ERVK3-1: variants seen among roughly 807,000 people sequenced by gnomAD.
ERVK3-1 encodes the protein endogenous retrovirus group K3 member 1.
chr19:58,306,949 C>T lies in ERVK3-1; in HGVS notation c.-4+733C>T, dbSNP rs572146517. On this transcript the variant is annotated intron_variant, in intron 2 of 3. Coordinates refer to ENST00000413518, the Ensembl canonical transcript of ERVK3-1. ...GCGCCTCCCACCCTTGGATATAAAG[C>T]ATTTAGCTTGCACTTGTTTCTCTGC... is the stretch of plus-strand genomic sequence containing the variant. Among the ~76,000 whole-genome samples the T allele has an allele frequency of 2.2e-4, 34 of 152,348 alleles. No individual in the cohort carries two copies. The South Asian group carries it at 6.4e-3, about 29-fold the overall frequency.
At chr19:58,308,389 G>C (rs2147968976) in intron 2 of ERVK3-1, among the ~76,000 whole-genome samples, 1 of 152,362 alleles carries the variant, frequency 6.6e-6, no homozygotes, top group African/African-American at 2.4e-5. Context: ...ACAGCTCAAA[G>C]TGTTTAACAG....
exon 4 of ERVK3-1, chr19:58,314,892 G>A (rs962161895): frequency 3.0e-5 from 12 of 396,972 alleles, no homozygotes; most frequent in African/African-American, 2.5e-4. Flanking sequence ...ACCACTGGAG[G>A]CTCTGTGAGC....
chr19:58,309,220 C>T (rs1461859806), intron 2 of ERVK3-1: 1 of 152,200 alleles, frequency 6.6e-6, no homozygotes, highest in African/African-American at 2.4e-5. Context: ...CCACCACCTA[C>T]ATCATTCATT....
At chr19:58,305,616 T>TGTGTTGGAG in intron 1 of ERVK3-1, among the ~76,000 whole-genome samples, 171 bp downstream of exon 1, 2 of 151,968 alleles carry the variant, frequency 1.3e-5, no homozygotes, top group Admixed American at 6.5e-5. Flanking sequence ...GGGCGCGACC[T>TGTGTTGGAG]GCCATGTCCT....
chr19:58,312,034 G>A lies in ERVK3-1; in HGVS notation c.-3-132G>A, dbSNP rs572242937. On this transcript the variant is annotated intron_variant, in intron 2 of 3. Coordinates refer to ENST00000413518, the Ensembl canonical transcript of ERVK3-1. The surrounding 1 kb of genome is among the most constrained non-coding windows in gnomAD (Gnocchi z 4.7). ...ACGGATGGCAAGACCCCAGCAGAACGACACTGGCAACTGCTAGAGGAAAAG... is the reference window on the plus strand; with the variant it reads ...ACGGATGGCAAGACCCCAGCAGAACAACACTGGCAACTGCTAGAGGAAAAG... 1.3e-5 allele frequency: 5 copies of A among 397,280 alleles called. No individual in the cohort carries two copies. Among genetic ancestry groups the A allele is most frequent in the East Asian group, 3.6e-5 (1 of 28,054 alleles). 24.6% of individuals were successfully genotyped at this position (397,280 alleles called of 1,614,324 possible). A position where few individuals can be genotyped will look rare whatever the true frequency, so the allele number is the denominator to read the frequency against.
intron 2 of ERVK3-1, chr19:58,306,501 C>A (rs1393154882): frequency 6.6e-6 from 1 of 152,178 alleles, no homozygotes; most frequent in Non-Finnish European, 1.5e-5. Flanking sequence ...CTTCTATTTT[C>A]TCTGCTTGGG....
intron 1 of ERVK3-1, among the ~76,000 whole-genome samples, chr19:58,305,864 G>C (rs78360933): frequency 0.017 from 2,533 of 152,270 alleles, 61 homozygotes; most frequent in African/African-American, 0.058. Context: ...GGAACATCTG[G>C]AACCTGCTGA....
At position 58,312,066 on chromosome 19, in the gene ERVK3-1, G is replaced by A. The variant is rs1360006816; in HGVS notation, c.-3-100G>A. 1 of 398,286 alleles carries A rather than the reference G, an allele frequency of 2.5e-6. No homozygotes were observed. Among genetic ancestry groups the A allele is most frequent in the Non-Finnish European group, 4.4e-6 (1 of 226,010 alleles). 24.7% of individuals were successfully genotyped at this position (398,286 alleles called of 1,614,324 possible). A position where few individuals can be genotyped will look rare whatever the true frequency, so the allele number is the denominator to read the frequency against. ...GCAACTGCTAGAGGAAAAGAGGCAAGTTTATCCAAAAGTGTTATGGAAATC... is the reference window on the plus strand; with the variant it reads ...GCAACTGCTAGAGGAAAAGAGGCAAATTTATCCAAAAGTGTTATGGAAATC... On this transcript the variant is annotated intron_variant, in intron 2 of 3. Coordinates refer to ENST00000413518, the Ensembl canonical transcript of ERVK3-1. This position sits in a 1 kb window ranked among gnomAD's most constrained non-coding sequence, Gnocchi z 4.7.
chr19:58,305,392 C>G (rs1042753512), exon 1 of ERVK3-1: 5 of 152,370 alleles, frequency 3.3e-5, no homozygotes, highest in African/African-American at 1.2e-4. Context: ...GTAAGACGCT[C>G]ACGGGCGCGC....
chr19:58,309,775 G>A (rs1568533121), intron 2 of ERVK3-1: 1 of 152,106 alleles, frequency 6.6e-6, no homozygotes, highest in Non-Finnish European at 1.5e-5. Context: ...AGTTTATCTT[G>A]CTTTAGTCAC....
At chr19:58,315,173 A>T (rs1161531984) in exon 4 of ERVK3-1, 4 of 169,874 alleles carry the variant, frequency 2.4e-5, no homozygotes, top group South Asian at 4.0e-4. Context: ...CCCTAATATC[A>T]AGGAGCCCCC....
chr19:58,306,189 G>A (rs563451411), exon 2 of ERVK3-1: 1 of 152,336 alleles, frequency 6.6e-6, no homozygotes, highest in African/African-American at 2.4e-5. Flanking sequence ...ACCCCTGGAC[G>A]GGAGAGTCTG....
chr19:58,316,615 G>A (rs916413749), downstream of ERVK3-1, among the ~76,000 whole-genome samples: 2 of 152,176 alleles, frequency 1.3e-5, no homozygotes, highest in Non-Finnish European at 2.9e-5. Context: ...AGATTGTGGT[G>A]AGCCAAGATC....
In ERVK3-1 at chr19:58,310,362, G is replaced by T; in HGVS notation, c.-3-1804G>T. 6.3e-6 allele frequency: 1 copy of T among 158,954 alleles called. No homozygotes were observed. The highest frequency in any genetic ancestry group is 1.7e-4 in the South Asian group (1 of 5,832). 9.8% of individuals were successfully genotyped at this position (158,954 alleles called of 1,614,324 possible). Reference sequence around the variant, plus strand: ...AAAGAGATAAAAGGCAGCTGGGCCTGGGGGACCACTACCACCAATGCGCGG... The same window carrying T: ...AAAGAGATAAAAGGCAGCTGGGCCTTGGGGACCACTACCACCAATGCGCGG... On this transcript the variant is annotated intron_variant, in intron 2 of 3. Transcript: ENST00000413518. This position sits in a 1 kb window ranked among gnomAD's most constrained non-coding sequence, Gnocchi z 4.7.
chr19:58,315,635 C>G (rs1985556913), exon 4 of ERVK3-1: 1 of 152,142 alleles, frequency 6.6e-6, no homozygotes, highest in Admixed American at 6.5e-5. Flanking sequence ...ATTATAAATG[C>G]TACTGCTGTG....
rs776929687 is a variant in ERVK3-1, at chr19:58,310,194, T to C, written c.-3-1972T>C. 2.0e-5 allele frequency: 3 copies of C among 152,240 alleles called. No individual in the cohort carries two copies. Among genetic ancestry groups the C allele is most frequent in the Non-Finnish European group, 2.9e-5 (2 of 68,084 alleles). 9.4% of individuals were successfully genotyped at this position (152,240 alleles called of 1,614,324 possible). A position where few individuals can be genotyped will look rare whatever the true frequency, so the allele number is the denominator to read the frequency against. ...TCACAGCTTTATTTCCTATTAATAT[T>C]GTCTGTAATTCAGCCTATGTCGTAA... is the stretch of plus-strand genomic sequence containing the variant. On this transcript the variant is annotated intron_variant, in intron 2 of 3. Transcript: ENST00000413518. The surrounding 1 kb of genome is among the most constrained non-coding windows in gnomAD (Gnocchi z 4.7).
In ERVK3-1 at chr19:58,312,078, G is replaced by T; in HGVS notation, c.-3-88G>T. 2.5e-6 allele frequency: 1 copy of T among 398,736 alleles called. No individual in the cohort carries two copies. Among genetic ancestry groups the T allele is most frequent in the Non-Finnish European group, 4.4e-6 (1 of 226,060 alleles). The allele number at this position is 398,736 out of a possible 1,614,324, so 24.7% of individuals were successfully genotyped here. On this transcript the variant is annotated intron_variant, in intron 2 of 3. Transcript: ENST00000413518. This position sits in a 1 kb window ranked among gnomAD's most constrained non-coding sequence, Gnocchi z 4.7. ...GGAAAAGAGGCAAGTTTATCCAAAA[G>T]TGTTATGGAAATCCCCAGAAGAAGG...
At chr19:58,314,554 G>C (rs1382093907) in intron 3 of ERVK3-1, among the ~76,000 whole-genome samples, 194 bp from the exon 4 acceptor site, 1 of 148,272 alleles carries the variant, frequency 6.7e-6, no homozygotes, top group Non-Finnish European at 1.5e-5. Flanking sequence ...GTGAACCCGG[G>C]AGGCAGAGCT....
chr19:58,312,079 T>C lies in ERVK3-1; in HGVS notation c.-3-87T>C. On this transcript the variant is annotated intron_variant, in intron 2 of 3. Transcript: ENST00000413518. The surrounding 1 kb of genome is among the most constrained non-coding windows in gnomAD (Gnocchi z 4.7). ...GAAAAGAGGCAAGTTTATCCAAAAG[T>C]GTTATGGAAATCCCCAGAAGAAGGA... The C allele has an allele frequency of 2.5e-6, 1 of 398,560 alleles. No homozygotes were observed. The highest frequency in any genetic ancestry group is 4.4e-6 in the Non-Finnish European group (1 of 226,014). The allele number at this position is 398,560 out of a possible 1,614,324, so 24.7% of individuals were successfully genotyped here. A position where few individuals can be genotyped will look rare whatever the true frequency, so the allele number is the denominator to read the frequency against.
Sources: allele counts gnomAD v4.1 joint callset (sites outside exome capture counted in the v4.1 genomes callset), GRCh38; gene constraint gnomAD v4.1.1; non-coding constraint Gnocchi (gnomAD v3.1); transcripts MANE v1.5; gene names NCBI Gene and HGNC (gene_info 2026-07-23, HGNC 2026-07-21).